The following IL1RAPL1 variants were observed in gnomAD, a reference collection of about 807,000 sequenced individuals.
The protein encoded by IL1RAPL1 is interleukin 1 receptor accessory protein like 1, also known as interleukin-1 receptor accessory protein-like 1.
A neutral mutation model predicts 48.4 loss-of-function variants in IL1RAPL1; 3 were observed. That is an observed-to-expected ratio of 0.06 (90% confidence interval 0.03 to 0.16). IL1RAPL1 has a LOEUF of 0.16. Ranked by LOEUF, IL1RAPL1 falls within the 10% of genes least tolerant of loss-of-function variation. The probability of loss-of-function intolerance (pLI) is 1.00; values close to 1 mark genes in which losing one functional copy is unlikely to be tolerated. For missense variants in IL1RAPL1, 349 were observed against 530.6 expected (o/e 0.66, Z 3.36); for synonymous variants, 185 against 187.7 (o/e 0.99, Z 0.12).
At chrX:29,803,128 T>C (rs780818380) in intron 6 of IL1RAPL1, among the ~76,000 whole-genome samples, 1 of 92,143 alleles carries the variant, frequency 1.1e-5, no homozygotes, top group East Asian at 3.5e-4. Context: ...TGTGTATACA[T>C]GTATGCATAT....
intron 2 of IL1RAPL1, among the ~76,000 whole-genome samples, chrX:28,917,352 C>T (rs1284895240): frequency 8.9e-6 from 1 of 112,059 alleles, no homozygotes; most frequent in African/African-American, 3.2e-5. Flanking sequence ...AATGATAATT[C>T]TGGAGATATT....
chrX:28,917,877 C>T (rs183925234), intron 2 of IL1RAPL1, among the ~76,000 whole-genome samples: 52 of 112,069 alleles, frequency 4.6e-4, no homozygotes, highest in African/African-American at 1.6e-3. Context: ...AACTGAGCTA[C>T]TATTTTTTAA....
intron 2 of IL1RAPL1, among the ~76,000 whole-genome samples, chrX:29,188,736 G>A (rs1480808623): frequency 2.8e-5 from 3 of 108,974 alleles, no homozygotes; most frequent in South Asian, 4.0e-4. Context: ...GCAGGTGCCC[G>A]CCACCATGCC....
In IL1RAPL1 at chrX:29,151,273, A is replaced by G. The variant is rs182674206; in HGVS notation, c.83-131665A>G. ...ATCAAGCTTAAATCAAAGTTGACTC[A>G]TCCTTACTTGTCATCCCATGTAAAA... is the stretch of plus-strand genomic sequence containing the variant. On this transcript the variant is annotated intron_variant, in intron 2 of 10. Transcript: ENST00000378993. Among the ~76,000 whole-genome samples the G allele has an allele frequency of 5.3e-5, 6 of 112,551 alleles. No homozygotes were observed. In the East Asian group the frequency reaches 1.4e-3, roughly 26 times the overall value.
At chrX:28,966,591 T>A (rs1228546141) in intron 2 of IL1RAPL1, among the ~76,000 whole-genome samples, 1 of 112,011 alleles carries the variant, frequency 8.9e-6, no homozygotes, top group Non-Finnish European at 1.9e-5. Flanking sequence ...TTTTAAAGCC[T>A]TTCATGGCCA....
At chrX:29,736,143 G>A (rs1324691811) in intron 6 of IL1RAPL1, among the ~76,000 whole-genome samples, 2 of 112,339 alleles carry the variant, frequency 1.8e-5, no homozygotes, top group African/African-American at 6.5e-5. Flanking sequence ...TAAAGGTTAT[G>A]CAAGATAACC....
intron 5 of IL1RAPL1, among the ~76,000 whole-genome samples, chrX:29,626,665 AAC>A (rs773299532): frequency 3.6e-5 from 4 of 112,251 alleles, no homozygotes; most frequent in Non-Finnish European, 5.6e-5. Context: ...GGAAGAATGA[AAC>A]ACACACAGAG....
intron 6 of IL1RAPL1, among the ~76,000 whole-genome samples, chrX:29,907,289 T>C (rs1350927239): frequency 2.7e-5 from 3 of 111,423 alleles, no homozygotes. Flanking sequence ...GTTTTTTCTT[T>C]GTATCACTTT....
At chrX:28,821,391 G>A (rs60075969) in intron 2 of IL1RAPL1, among the ~76,000 whole-genome samples, 4,882 of 110,347 alleles carry the variant, frequency 0.044, 270 homozygotes, top group African/African-American at 0.15. Context: ...ACAAAATTGA[G>A]GGTCCATTAC....
At chrX:29,903,613 A>C (rs1932545570) in intron 6 of IL1RAPL1, among the ~76,000 whole-genome samples, 1 of 111,871 alleles carries the variant, frequency 8.9e-6, no homozygotes, top group South Asian at 3.8e-4. Flanking sequence ...AGAAATGGCT[A>C]TATGATACCC....
intron 3 of IL1RAPL1, among the ~76,000 whole-genome samples, chrX:29,310,108 A>G (rs1340878442): frequency 1.1e-4 from 9 of 83,919 alleles, no homozygotes; most frequent in Non-Finnish European, 1.9e-4. Context: ...AAAAAAAAAA[A>G]AAAAAAAAAA....
At chrX:28,714,082 A>G (rs1327695249) in intron 1 of IL1RAPL1, among the ~76,000 whole-genome samples, 1 of 112,124 alleles carries the variant, frequency 8.9e-6, no homozygotes, top group Non-Finnish European at 1.9e-5. Flanking sequence ...CTTTAGTGCT[A>G]TATTTTTATG....
At chrX:29,833,133 G>A (rs895582915) in intron 6 of IL1RAPL1, among the ~76,000 whole-genome samples, 1 of 111,664 alleles carries the variant, frequency 9.0e-6, no homozygotes, top group African/African-American at 3.3e-5. Context: ...TTATGGTGGT[G>A]TTGATTTTAA....
At chrX:28,818,290 G>C (rs1368704239) in intron 2 of IL1RAPL1, among the ~76,000 whole-genome samples, 1 of 110,773 alleles carries the variant, frequency 9.0e-6, no homozygotes, top group Non-Finnish European at 1.9e-5. Flanking sequence ...TGAAGAAGTA[G>C]TGATTAATAT....
In IL1RAPL1 at chrX:29,367,557, TTTA is replaced by T. The variant is rs1933481448; in HGVS notation, c.363-28698_363-28696del. On this transcript the variant is annotated intron_variant, in intron 3 of 10. Coordinates refer to ENST00000378993, the MANE Select transcript of IL1RAPL1 (RefSeq NM_014271.4). ...GCAAAAGGGCTTCTATTTATTTTTATTTATTTATTTATTTATTTATTTATTTAT... is the reference window on the plus strand; with the variant it reads ...GCAAAAGGGCTTCTATTTATTTTTATTTTATTTATTTATTTATTTATTTAT... 4.9e-5 allele frequency among the ~76,000 whole-genome samples: 4 copies of T among 81,967 alleles called. No homozygotes were observed. The East Asian group carries it at 1.6e-3, about 33-fold the overall frequency. The allele number at this position is 81,967 out of a possible 115,157, so 71.2% of individuals were successfully genotyped here. A position where few individuals can be genotyped will look rare whatever the true frequency, so the allele number is the denominator to read the frequency against.
rs1172100397 is a variant in IL1RAPL1 at position 29,730,669 on chromosome X, C to A, written c.778+62165C>A. Among the ~76,000 whole-genome samples the A allele has an allele frequency of 2.7e-5, 3 of 111,981 alleles. No individual in the cohort carries two copies. The South Asian group carries it at 1.1e-3, about 42-fold the overall frequency. The stretch of plus-strand genomic sequence containing the variant: ...CTTCAGGGCCAAGAAAGTAGTTAGG[C>A]CAGCAGTCATGAACACTATGCTACA... On this transcript the variant is annotated intron_variant, in intron 6 of 10. Transcript: ENST00000378993.
chrX:28,608,416 T>C (rs1462006656), intron 1 of IL1RAPL1, among the ~76,000 whole-genome samples: 1 of 112,242 alleles, frequency 8.9e-6, no homozygotes, highest in African/African-American at 3.2e-5. Flanking sequence ...TTTTAGATGA[T>C]TGTTCTTGAA....
intron 2 of IL1RAPL1, among the ~76,000 whole-genome samples, chrX:29,203,722 AATATATATATATAT>A (rs56950481): frequency 0.087 from 6,825 of 78,251 alleles, 313 homozygotes; most frequent in South Asian, 0.22. Flanking sequence ...TCCGTCTCAA[AATATATATATATAT>A]ATATATATAT....
intron 3 of IL1RAPL1, among the ~76,000 whole-genome samples, chrX:29,377,061 A>C (rs1477011952): frequency 8.9e-6 from 1 of 112,258 alleles, no homozygotes; most frequent in Non-Finnish European, 1.9e-5. Context: ...ATATATATTA[A>C]GGATAGTTAA....
Sources: allele counts gnomAD v4.1 joint callset (sites outside exome capture counted in the v4.1 genomes callset), GRCh38; gene constraint gnomAD v4.1.1; transcripts MANE v1.5; gene names NCBI Gene and HGNC (gene_info 2026-07-23, HGNC 2026-07-21).